The following ADARB1 variants were observed in gnomAD, a reference collection of about 807,000 sequenced individuals.
ADARB1 encodes the protein adenosine deaminase RNA specific B1.
ADARB1 carries 10 observed loss-of-function variants against 52.4 expected under a neutral mutation model. The observed-to-expected ratio is 0.19, with a 90% CI of 0.12 to 0.32. ADARB1 has a LOEUF of 0.32. Ranked by LOEUF, ADARB1 falls within the 10% of genes least tolerant of loss-of-function variation. The probability of loss-of-function intolerance (pLI) is 1.00; values close to 1 mark genes in which losing one functional copy is unlikely to be tolerated. For synonymous variants in ADARB1, 349 were observed against 371.1 expected, an observed-to-expected ratio of 0.94 and a Z score of 0.68; for missense variants, 643 against 922.3, an observed-to-expected ratio of 0.70 and a Z score of 3.92.
intron 2 of ADARB1, among the ~76,000 whole-genome samples, chr21:45,168,644 T>C (rs2091351281): frequency 6.6e-6 from 1 of 152,212 alleles, no homozygotes; most frequent in Non-Finnish European, 1.5e-5. Context: ...TGCTATCCTC[T>C]TGTGATCTGC....
chr21:45,120,397 A>C lies in ADARB1; in HGVS notation c.-219-8005A>C, dbSNP rs371624270. ...TTTCATATATGATTTCACACTTCTC[A>C]TTGTCTTCCTGAAGCCCATTCGTGA... On this transcript the variant is annotated intron_variant, in intron 1 of 10. Transcript: ENST00000348831. 7.2e-5 allele frequency among the ~76,000 whole-genome samples: 11 copies of C among 152,178 alleles called. 1 individual carries two copies. The highest frequency in any genetic ancestry group is 5.9e-4 in the Admixed American group (9 of 15,288).
rs2092989995 is a variant in ADARB1, at chr21:45,222,868, C to T, written c.*671C>T. ...CTGTCATGCACATGGGGTCCCGCAG[C>T]AGTGACTGTGTGTCCTGCAGAGGCG... On this transcript the variant is annotated 3_prime_UTR_variant, in exon 11 of 11. Coordinates refer to ENST00000348831, the MANE Select transcript of ADARB1 (RefSeq NM_001112.4). 2.0e-6 allele frequency: 2 copies of T among 985,490 alleles called. No homozygotes were observed. Among genetic ancestry groups the T allele is most frequent in the South Asian group, 4.7e-5 (1 of 21,290 alleles). 61.0% of individuals were successfully genotyped at this position (985,490 alleles called of 1,614,324 possible).
chr21:45,167,647 A>C (rs1429184979), intron 2 of ADARB1, among the ~76,000 whole-genome samples: 1 of 152,166 alleles, frequency 6.6e-6, no homozygotes, highest in Non-Finnish European at 1.5e-5. Flanking sequence ...GCTACTCGGG[A>C]GGCTGAGGCA....
intron 2 of ADARB1, among the ~76,000 whole-genome samples, chr21:45,148,785 T>A (rs1194939924): frequency 6.6e-6 from 1 of 152,208 alleles, no homozygotes; most frequent in African/African-American, 2.4e-5. Flanking sequence ...TACTCCTGGC[T>A]GCCCAGCCCA....
rs550223029 is a variant in ADARB1 at position 45,214,268 on chromosome 21, T to G, written c.1748-6568T>G. ...ACTGGGTTTTGAGAGTTATTTATAT[T>G]TTCTAGATACAGATCCTTTATCAGA... On this transcript the variant is annotated intron_variant, in intron 9 of 10. Transcript: ENST00000348831. Among the ~76,000 whole-genome samples the G allele has an allele frequency of 3.9e-5, 6 of 152,352 alleles. No individual in the cohort carries two copies. In the South Asian group the frequency reaches 1.2e-3, roughly 32 times the overall value.
chr21:45,210,465 A>G (rs2092746166), intron 9 of ADARB1, among the ~76,000 whole-genome samples: 1 of 152,192 alleles, frequency 6.6e-6, no homozygotes, highest in East Asian at 1.9e-4. Flanking sequence ...ACCATTACCT[A>G]TTGTATCAAT....
chr21:45,219,808 C>G (rs1384927692), intron 9 of ADARB1, among the ~76,000 whole-genome samples: 1 of 152,144 alleles, frequency 6.6e-6, no homozygotes, highest in Non-Finnish European at 1.5e-5. Flanking sequence ...CAGGGGGTTT[C>G]TGCTAAAGCT....
chr21:45,131,155 A>G (rs951190695), intron 2 of ADARB1, among the ~76,000 whole-genome samples: 1 of 152,232 alleles, frequency 6.6e-6, no homozygotes, highest in South Asian at 2.1e-4. Flanking sequence ...ATACATAATA[A>G]AATAGTTTTC....
intron 2 of ADARB1, among the ~76,000 whole-genome samples, chr21:45,138,109 A>G (rs553862934): frequency 3.3e-5 from 5 of 152,324 alleles, no homozygotes; most frequent in African/African-American, 9.6e-5. Context: ...TATATTAATT[A>G]GTATTAGGAT....
At chr21:45,191,671 T>C (rs1187352523) in intron 8 of ADARB1, among the ~76,000 whole-genome samples, 1 of 151,826 alleles carries the variant, frequency 6.6e-6, no homozygotes, top group Non-Finnish European at 1.5e-5. Flanking sequence ...TTACTTAGGA[T>C]TTTTGTTTAT....
intron 4 of ADARB1, among the ~76,000 whole-genome samples, chr21:45,179,261 G>T (rs544299207): frequency 1.1e-4 from 17 of 152,322 alleles, no homozygotes; most frequent in African/African-American, 3.1e-4. Context: ...CACATGACTT[G>T]TCTTGAACAC....
In ADARB1 at chr21:45,183,421, T is replaced by C; in HGVS notation, c.1307T>C (p.Leu436Pro). ...FQKSERGGFR[L>P]KENVQFHLYI... The stretch of plus-strand genomic sequence containing the variant: ...AAATCAGAGCGAGGGGGGTTTAGGC[T>C]GAAGGAGAATGTCCAGTTTCATCTG... Residue 436 changes from leucine to proline, a missense_variant, in exon 7 of 11, where the codon CTG becomes CCG. Physicochemically the swap from Leu to Pro is moderately conservative, Grantham distance 98. Transcript: ENST00000348831. 1 of 1,612,080 alleles carries C rather than the reference T, an allele frequency of 6.2e-7. No homozygotes were observed. The highest frequency in any genetic ancestry group is 8.5e-7 in the Non-Finnish European group (1 of 1,179,446).
intron 2 of ADARB1, among the ~76,000 whole-genome samples, chr21:45,134,389 G>A (rs565234464): frequency 4.0e-4 from 59 of 149,356 alleles, no homozygotes; most frequent in African/African-American, 1.3e-3. Flanking sequence ...GTGTGCGCCC[G>A]ATGGGTGTGT....
At position 45,183,386 on chromosome 21, in the gene ADARB1, C is replaced by G. The variant is rs139637757; in HGVS notation, c.1272C>G (p.Ser424=). The change falls in exon 7 of 11, where the codon TCC becomes TCG. Residue 424 remains serine, a synonymous_variant. Transcript: ENST00000348831. ...GTAACAAAGATGATCAAAAAAGATC[C>G]ATCTTTCAGAAATCAGAGCGAGGGG... ...YLNNKDDQKR[S]IFQKSERGGF... is the part of the protein sequence containing the mutation. The G allele has an allele frequency of 1.7e-5, 28 of 1,600,328 alleles. No homozygotes were observed. Among genetic ancestry groups the G allele is most frequent in the Non-Finnish European group, 2.4e-5 (28 of 1,176,014 alleles).
At chr21:45,077,919 G>C (rs2086007766) in intron 1 of ADARB1, among the ~76,000 whole-genome samples, 1 of 152,164 alleles carries the variant, frequency 6.6e-6, no homozygotes, top group Non-Finnish European at 1.5e-5. Context: ...TTTTATCTGG[G>C]GTGTGGACAG....
chr21:45,148,535 G>A (rs1183822232), intron 2 of ADARB1, among the ~76,000 whole-genome samples: 1 of 152,198 alleles, frequency 6.6e-6, no homozygotes, highest in Non-Finnish European at 1.5e-5. Context: ...GGTGGAGAGA[G>A]AAGAGATGTG....
At chr21:45,091,858 A>G (rs1395615510) in intron 1 of ADARB1, among the ~76,000 whole-genome samples, 1 of 152,192 alleles carries the variant, frequency 6.6e-6, no homozygotes. Flanking sequence ...AGGCCAGTGG[A>G]CCTCAGAAAT....
intron 9 of ADARB1, among the ~76,000 whole-genome samples, chr21:45,216,133 T>C (rs1288994291): frequency 6.6e-6 from 1 of 152,174 alleles, no homozygotes; most frequent in African/African-American, 2.4e-5. Context: ...AATATTCATT[T>C]TAATATCTGT....
chr21:45,162,010 G>A (rs2146039868), intron 2 of ADARB1, among the ~76,000 whole-genome samples: 1 of 152,286 alleles, frequency 6.6e-6, no homozygotes, highest in Non-Finnish European at 1.5e-5. Flanking sequence ...GGACATGGGA[G>A]AAGAACTCAG....
Sources: gnomAD v4.1 joint callset for allele counts (sites outside exome capture counted in the v4.1 genomes callset) on GRCh38, gnomAD v4.1.1 for gene constraint, MANE v1.5 for transcripts, NCBI Gene and HGNC (gene_info 2026-07-23, HGNC 2026-07-21) for gene names.